Variants in GREM2 observed in about 807,000 individuals in gnomAD.
GREM2 encodes the protein gremlin 2, DAN family BMP antagonist.
Under a neutral mutation model 14.2 loss-of-function variants are expected in GREM2, and 11 were observed. The observed-to-expected ratio is 0.78, with a 90% CI of 0.49 to 1.28. The LOEUF is 1.28. Among genes scored for constraint, GREM2 ranks in the 50% most tolerant of loss-of-function variants. The pLI, the probability that GREM2 is intolerant of heterozygous loss-of-function variation, is 0.00. For missense variants in GREM2, 210 were observed against 218.5 expected (o/e 0.96, Z 0.24); for synonymous variants, 98 against 97.6 (o/e 1.00, Z -0.02).
At chr1:240,546,913 T>C (rs1678737697) in intron 1 of GREM2, among the ~76,000 whole-genome samples, 1 of 151,990 alleles carries the variant, frequency 6.6e-6, no homozygotes, top group Non-Finnish European at 1.5e-5. Flanking sequence ...TAAAAATACA[T>C]AGCAACATGG....
chr1:240,513,302 C>T lies in GREM2; in HGVS notation c.-1-19826G>A, dbSNP rs141207982. Among the ~76,000 whole-genome samples the T allele has an allele frequency of 1.6e-3, 247 of 152,214 alleles. 1 individual carries two copies. The highest frequency in any genetic ancestry group is 5.8e-3 in the African/African-American group (241 of 41,550). ...TTCTTAGAAGAGAAAGGTGACCGGG[C>T]GCAGTGGCTCACGCCTGTAATCCCA... is the stretch of plus-strand genomic sequence containing the variant. On this transcript the variant is annotated intron_variant, in intron 1 of 1. Transcript: ENST00000318160.
At chr1:240,583,567 CCTTTCTCCCA>C (rs1190154060) in intron 1 of GREM2, among the ~76,000 whole-genome samples, 1 of 151,820 alleles carries the variant, frequency 6.6e-6, no homozygotes, top group Non-Finnish European at 1.5e-5. Flanking sequence ...TCTTCTCTTC[CCTTTCTCCCA>C]CTTTCTCCCT....
intron 1 of GREM2, among the ~76,000 whole-genome samples, chr1:240,524,849 G>T (rs1187044604): frequency 1.3e-5 from 2 of 152,176 alleles, no homozygotes; most frequent in Non-Finnish European, 2.9e-5. Flanking sequence ...TTTAGCACGA[G>T]CCCAAAGTGA....
intron 1 of GREM2, among the ~76,000 whole-genome samples, chr1:240,504,122 T>A (rs1228271865): frequency 6.6e-6 from 1 of 152,206 alleles, no homozygotes; most frequent in Admixed American, 6.5e-5. Context: ...ATCACAATAA[T>A]TTAATGCCTA....
At chr1:240,571,757 T>C (rs1256389322) in intron 1 of GREM2, among the ~76,000 whole-genome samples, 1 of 152,184 alleles carries the variant, frequency 6.6e-6, no homozygotes. Flanking sequence ...ATCTGGCATG[T>C]ATGGTAATTC....
intron 1 of GREM2, among the ~76,000 whole-genome samples, chr1:240,534,649 T>C (rs7531568): frequency 0.93 from 139,765 of 151,096 alleles, 64,644 homozygotes; most frequent in East Asian, 0.95. Flanking sequence ...GCTGAGATCT[T>C]GCCACTGCAC....
chr1:240,542,425 C>T lies in GREM2; in HGVS notation c.-1-48949G>A, dbSNP rs988963370. On this transcript the variant is annotated intron_variant, in intron 1 of 1. Coordinates refer to ENST00000318160, the MANE Select transcript of GREM2 (RefSeq NM_022469.4). The surrounding 1 kb of genome is among the most constrained non-coding windows in gnomAD (Gnocchi z 4.1). ...TTCGAGACCAGCCTGGCCAACATGGCGAAACCCCCATCTCTACTAAAAAAA... is the reference window on the plus strand; with the variant it reads ...TTCGAGACCAGCCTGGCCAACATGGTGAAACCCCCATCTCTACTAAAAAAA... Among the ~76,000 whole-genome samples the T allele has an allele frequency of 9.2e-4, 129 of 140,374 alleles. 2 individuals are homozygous for T. Among genetic ancestry groups the T allele is most frequent in the African/African-American group, 2.8e-3 (105 of 37,050 alleles). The allele number at this position is 140,374 out of a possible 152,430, so 92.1% of individuals were successfully genotyped here.
rs1234032194 is a variant in GREM2, at chr1:240,540,709, T to G, written c.-1-47233A>C. On this transcript the variant is annotated intron_variant, in intron 1 of 1. Transcript: ENST00000318160. The surrounding 1 kb of genome is among the most constrained non-coding windows in gnomAD (Gnocchi z 4.2). The stretch of plus-strand genomic sequence containing the variant: ...TCCTGAGTAGCTGGGACTACAGGCA[T>G]GCATCACCACGCCCAGCTAATTTTT... Among the ~76,000 whole-genome samples, 1 of 151,966 alleles carries G rather than the reference T, an allele frequency of 6.6e-6. No individual in the cohort carries two copies. Among genetic ancestry groups the G allele is most frequent in the Admixed American group, 6.6e-5 (1 of 15,236 alleles).
chr1:240,559,504 C>T (rs12141325), intron 1 of GREM2, among the ~76,000 whole-genome samples: 43,302 of 151,614 alleles, frequency 0.29, 6,425 homozygotes, highest in East Asian at 0.38. Context: ...CCATCAGGTC[C>T]GGCTAATTTT....
chr1:240,517,193 C>T (rs990380668), intron 1 of GREM2, among the ~76,000 whole-genome samples: 3 of 152,190 alleles, frequency 2.0e-5, no homozygotes, highest in African/African-American at 7.2e-5. Context: ...AACCAGAATT[C>T]AAACTTATGA....
At chr1:240,568,157 T>G (rs1232241465) in intron 1 of GREM2, among the ~76,000 whole-genome samples, 1 of 152,068 alleles carries the variant, frequency 6.6e-6, no homozygotes. Flanking sequence ...AACATATATA[T>G]AAATACAATA....
At chr1:240,498,637 G>A (rs1182799304) in intron 1 of GREM2, among the ~76,000 whole-genome samples, 1 of 152,126 alleles carries the variant, frequency 6.6e-6, no homozygotes, top group Non-Finnish European at 1.5e-5. Flanking sequence ...GCATGTCAGC[G>A]GCCCCGCCAG....
chr1:240,511,950 C>G (rs944195318), intron 1 of GREM2, among the ~76,000 whole-genome samples: 5 of 152,182 alleles, frequency 3.3e-5, no homozygotes, highest in African/African-American at 4.8e-5. Context: ...GAAACTGACA[C>G]TTCAAAACTC....
At chr1:240,534,239 G>C (rs1678424865) in intron 1 of GREM2, among the ~76,000 whole-genome samples, 1 of 152,156 alleles carries the variant, frequency 6.6e-6, no homozygotes, top group Non-Finnish European at 1.5e-5. Context: ...CAAAATGTGA[G>C]AAAAACAATC....
intron 1 of GREM2, among the ~76,000 whole-genome samples, chr1:240,505,866 C>A (rs1271300897): frequency 6.6e-6 from 1 of 151,604 alleles, no homozygotes; most frequent in Non-Finnish European, 1.5e-5. Flanking sequence ...GTAAAATTTC[C>A]TTTAGGGAGT....
At chr1:240,502,656 C>A (rs1232568854) in intron 1 of GREM2, among the ~76,000 whole-genome samples, 1 of 152,186 alleles carries the variant, frequency 6.6e-6, no homozygotes, top group Non-Finnish European at 1.5e-5. Flanking sequence ...ACTCATCATT[C>A]CTCTGATAGA....
At chr1:240,500,665 T>C (rs1276156951) in intron 1 of GREM2, among the ~76,000 whole-genome samples, 1 of 152,186 alleles carries the variant, frequency 6.6e-6, no homozygotes, top group Non-Finnish European at 1.5e-5. Context: ...GAGATATGTG[T>C]TTGGGATTTT....
intron 1 of GREM2, among the ~76,000 whole-genome samples, chr1:240,535,097 A>G (rs928678457): frequency 2.0e-5 from 3 of 152,224 alleles, no homozygotes; most frequent in Non-Finnish European, 2.9e-5. Flanking sequence ...AGTCTATAAC[A>G]TAGAGCTATT....
chr1:240,536,767 C>T (rs1256102454), intron 1 of GREM2, among the ~76,000 whole-genome samples: 4 of 152,044 alleles, frequency 2.6e-5, no homozygotes, highest in Non-Finnish European at 2.9e-5. Context: ...TGGAAGCCAT[C>T]GGTAGCTACG....
Sources: gnomAD v4.1 joint callset for allele counts (sites outside exome capture counted in the v4.1 genomes callset) on GRCh38, gnomAD v4.1.1 for gene constraint, Gnocchi (gnomAD v3.1) non-coding constraint, MANE v1.5 for transcripts, NCBI Gene and HGNC (gene_info 2026-07-23, HGNC 2026-07-21) for gene names.